Variants in TXNDC11 observed in about 807,000 individuals in gnomAD.
The protein encoded by TXNDC11 is thioredoxin domain-containing protein 11.
TXNDC11 carries 68 observed loss-of-function variants against 78.0 expected under a neutral mutation model. That is an observed-to-expected ratio of 0.87 (90% CI 0.72 to 1.07). The LOEUF is 1.07. Among genes scored for constraint, TXNDC11 ranks in the 50% least tolerant of loss-of-function variants. The pLI is 0.00. For synonymous variants in TXNDC11, 571 were observed against 495.2 expected (o/e 1.15, Z -2.03); for missense variants, 1,389 against 1,221.8 (o/e 1.14, Z -2.04).
Position 11,730,640 on chromosome 16 carries a change from AG to A in TXNDC11, c.699+4del. ...TATGGAGGAGGAGATATGAAAGACA[AG>A]TACCTCGTAGTTTGAGAGAAAATCT... On this transcript the variant is annotated splice_donor_region_variant and intron_variant, in intron 4 of 11. Coordinates refer to ENST00000283033, the MANE Select transcript of TXNDC11 (RefSeq NM_015914.7). 1 of 1,613,546 alleles carries A rather than the reference AG, an allele frequency of 6.2e-7. No individual in the cohort carries two copies. Among genetic ancestry groups the A allele is most frequent in the Non-Finnish European group, 8.5e-7 (1 of 1,179,570 alleles).
intron 1 of TXNDC11, among the ~76,000 whole-genome samples, chr16:11,739,963 T>C (rs374367248): frequency 2.0e-5 from 3 of 151,596 alleles, no homozygotes; most frequent in Middle Eastern, 6.9e-3. Context: ...GAGGCCGAAG[T>C]AGGAGGACCA....
At chr16:11,714,532 C>T (rs544505802) in intron 5 of TXNDC11, among the ~76,000 whole-genome samples, 5 of 151,534 alleles carry the variant, frequency 3.3e-5, no homozygotes, top group South Asian at 4.2e-4. Context: ...CCCAGCTACT[C>T]GGGAAGCTGA....
intron 7 of TXNDC11, 64 bp downstream of exon 7, chr16:11,698,061 G>C (rs571253610): frequency 6.7e-7 from 1 of 1,489,146 alleles, no homozygotes; most frequent in Non-Finnish European, 9.4e-7. Flanking sequence ...TGTGGGATGA[G>C]AGGAGCCAGG....
chr16:11,686,441 G>T (rs1597405217), intron 10 of TXNDC11, among the ~76,000 whole-genome samples: 1 of 152,164 alleles, frequency 6.6e-6, no homozygotes, highest in African/African-American at 2.4e-5. Context: ...TGCTTCTTCG[G>T]AATTCCTATT....
intron 4 of TXNDC11, among the ~76,000 whole-genome samples, chr16:11,725,111 G>C (rs1157628627): frequency 1.3e-5 from 2 of 152,066 alleles, no homozygotes; most frequent in African/African-American, 4.8e-5. Flanking sequence ...GGGATCTCCT[G>C]GCAAGTTCAT....
intron 5 of TXNDC11, among the ~76,000 whole-genome samples, chr16:11,718,954 C>G (rs912062926): frequency 6.6e-6 from 1 of 152,124 alleles, no homozygotes; most frequent in African/African-American, 2.4e-5. Flanking sequence ...TATTTTATAT[C>G]TATTTTATTT....
intron 8 of TXNDC11, chr16:11,688,709 T>A (rs567296490): frequency 9.7e-5 from 29 of 298,116 alleles, no homozygotes; most frequent in Middle Eastern, 2.0e-3. Flanking sequence ...ATTCTTTTTT[T>A]AAAAGGACTG....
rs753458330 is a variant in TXNDC11, at chr16:11,679,655, T to G, written c.2417A>C (p.Glu806Ala). The change falls in exon 12 of 12, where the codon GAG becomes GCG. Residue 806 changes from glutamate (E) to alanine (A), a missense_variant. Coordinates refer to ENST00000283033, the MANE Select transcript of TXNDC11 (RefSeq NM_015914.7). The surrounding 1 kb of genome is among the most constrained non-coding windows in gnomAD (Gnocchi z 4.6). Reference protein sequence around the residue: ...QRGHISHLEREIQKLRAEISS... With the variant: ...QRGHISHLERAIQKLRAEISS... ...TATTTCTGCTCTCAGTTTCTGGATC[T>G]CTCTCTCCAAGTGGGAGATGTGCCC... The G allele has an allele frequency of 6.2e-6, 10 of 1,614,048 alleles. No homozygotes were observed. In the Admixed American group the frequency reaches 6.7e-5, roughly 11 times the overall value.
chr16:11,703,298 G>C (rs957676414), intron 5 of TXNDC11, among the ~76,000 whole-genome samples: 1 of 152,114 alleles, frequency 6.6e-6, no homozygotes, highest in Non-Finnish European at 1.5e-5. Context: ...TGTAAATCTA[G>C]GTAGTAAATG....
At position 11,688,351 on chromosome 16, in the gene TXNDC11, G is replaced by A. The variant is rs2050620224; in HGVS notation, c.1995C>T (p.Ile665=). The A allele has an allele frequency of 6.2e-7, 1 of 1,614,058 alleles. No homozygotes were observed. Among genetic ancestry groups the A allele is most frequent in the East Asian group, 2.2e-5 (1 of 44,896 alleles). ...GSAQFPSQHL[I]TEVTTDTFWE... Reference sequence around the variant, plus strand: ...AAAAGGTATCAGTTGTCACTTCAGTGATTAAATGCTGAGACGGGAACTGGG... The same window carrying A: ...AAAAGGTATCAGTTGTCACTTCAGTAATTAAATGCTGAGACGGGAACTGGG... Residue 665 remains isoleucine, a synonymous_variant, in exon 9 of 12, where the codon ATC becomes ATT. Transcript: ENST00000283033.
rs532557941 is a variant in TXNDC11 at position 11,682,592 on chromosome 16, G to A, written c.2234+1573C>T. Among the ~76,000 whole-genome samples the A allele has an allele frequency of 1.1e-4, 16 of 152,312 alleles. No individual in the cohort carries two copies. In the South Asian group the frequency reaches 3.3e-3, roughly 32 times the overall value. On this transcript the variant is annotated intron_variant, in intron 11 of 11. Coordinates refer to ENST00000283033, the MANE Select transcript of TXNDC11 (RefSeq NM_015914.7). ...TGAGAACTTCTTCATTAAAAGGCATGTGCTGGGTGCTAAGATTTTCATATT... is the reference window on the plus strand; with the variant it reads ...TGAGAACTTCTTCATTAAAAGGCATATGCTGGGTGCTAAGATTTTCATATT...
chr16:11,715,087 C>T (rs1351970311), intron 5 of TXNDC11, among the ~76,000 whole-genome samples: 4 of 152,130 alleles, frequency 2.6e-5, no homozygotes, highest in Non-Finnish European at 1.5e-5. Context: ...CCCGTCTCTA[C>T]TAAAATACAC....
chr16:11,680,533 A>G (rs1240981133), intron 11 of TXNDC11, among the ~76,000 whole-genome samples: 2 of 152,220 alleles, frequency 1.3e-5, no homozygotes, highest in East Asian at 3.8e-4. Context: ...CCAGGTCCTG[A>G]TCTAGAGATC....
chr16:11,688,788 A>T (rs2050634399), intron 8 of TXNDC11, among the ~76,000 whole-genome samples: 1 of 152,194 alleles, frequency 6.6e-6, no homozygotes, highest in Non-Finnish European at 1.5e-5. Flanking sequence ...AAGAAATTTC[A>T]CCCTATAATA....
intron 11 of TXNDC11, among the ~76,000 whole-genome samples, chr16:11,681,711 T>C (rs530242793): frequency 6.9e-4 from 105 of 152,240 alleles, no homozygotes; most frequent in African/African-American, 2.4e-3. Context: ...AGAGCACCTA[T>C]ATTTTGCAAT....
chr16:11,710,890 G>A (rs1041017648), intron 5 of TXNDC11, among the ~76,000 whole-genome samples: 1 of 152,086 alleles, frequency 6.6e-6, no homozygotes, highest in Non-Finnish European at 1.5e-5. Flanking sequence ...CTTATTGTTA[G>A]GAAGATACCA....
chr16:11,715,063 C>A (rs927338599), intron 5 of TXNDC11, among the ~76,000 whole-genome samples: 6 of 152,160 alleles, frequency 3.9e-5, no homozygotes, highest in African/African-American at 1.4e-4. Context: ...CCAGCCTGGG[C>A]AACACAGTGA....
intron 1 of TXNDC11, among the ~76,000 whole-genome samples, chr16:11,739,715 GAGC>G (rs1385114742): frequency 1.3e-5 from 2 of 152,048 alleles, no homozygotes; most frequent in Non-Finnish European, 2.9e-5. Flanking sequence ...AAAGAAAGGT[GAGC>G]AGGATGAAGA....
chr16:11,708,228 C>T (rs146900323), intron 5 of TXNDC11, among the ~76,000 whole-genome samples: 1 of 152,306 alleles, frequency 6.6e-6, no homozygotes, highest in African/African-American at 2.4e-5. Flanking sequence ...ATAAATCCAG[C>T]AGCCAGCAAG....
Sources: allele counts gnomAD v4.1 joint callset (sites outside exome capture counted in the v4.1 genomes callset), GRCh38; gene constraint gnomAD v4.1.1; non-coding constraint Gnocchi (gnomAD v3.1); transcripts MANE v1.5; gene names NCBI Gene and HGNC (gene_info 2026-07-23, HGNC 2026-07-21).